The following GRAMD1B variants were observed in gnomAD, a reference collection of about 807,000 sequenced individuals.
GRAMD1B encodes GRAM domain containing 1B, also known as protein Aster-B.
A neutral mutation model predicts 99.7 loss-of-function variants in GRAMD1B; 37 were observed. The ratio of observed to expected loss-of-function variants is 0.37; its 90% CI spans 0.29 to 0.49. The LOEUF is 0.49. Among genes scored for constraint, GRAMD1B ranks in the 20% least tolerant of loss-of-function variants. The pLI is 0.98. For synonymous variants in GRAMD1B, 427 were observed against 387.6 expected, an observed-to-expected ratio of 1.10 and a Z score of -1.19; for missense variants, 888 against 1,009.2, an observed-to-expected ratio of 0.88 and a Z score of 1.63.
chr11:123,590,427 G>A (rs917032365), intron 4 of GRAMD1B, among the ~76,000 whole-genome samples: 4 of 152,138 alleles, frequency 2.6e-5, no homozygotes, highest in South Asian at 4.2e-4. Context: ...CCTACTCCAC[G>A]CCTCCATGTG....
At chr11:123,448,041 AAG>A (rs917498875) in intron 1 of GRAMD1B, among the ~76,000 whole-genome samples, 7 of 151,560 alleles carry the variant, frequency 4.6e-5, no homozygotes, top group Non-Finnish European at 7.4e-5. Flanking sequence ...TTTAAAAAAA[AAG>A]AGAGAGAGAG....
In GRAMD1B at chr11:123,440,779, A is replaced by C. The variant is rs1207700214; in HGVS notation, c.374+9613A>C. On this transcript the variant is annotated intron_variant, in intron 1 of 19. Transcript: ENST00000635736. ...CTTAGGAAGCTTCTATTCCTGGTGG[A>C]AAGCAAATGGGGGTTGATATGGCTT... Among the ~76,000 whole-genome samples, 8 of 152,270 alleles carry C rather than the reference A, an allele frequency of 5.3e-5. No individual in the cohort carries two copies. The East Asian group carries it at 1.5e-3, about 29-fold the overall frequency.
At chr11:123,521,175 A>G (rs1322485616) in intron 2 of GRAMD1B, among the ~76,000 whole-genome samples, 3 of 152,242 alleles carry the variant, frequency 2.0e-5, no homozygotes, top group Admixed American at 6.5e-5. Flanking sequence ...GAGTTGAACC[A>G]GTATACACTC....
chr11:123,514,485 G>A (rs2135356721), intron 2 of GRAMD1B, among the ~76,000 whole-genome samples: 1 of 152,332 alleles, frequency 6.6e-6, no homozygotes, highest in East Asian at 1.9e-4. Flanking sequence ...TAGGATTAAT[G>A]CCTGGCACAC....
chr11:123,426,472 A>C (rs1216181593), upstream of GRAMD1B, among the ~76,000 whole-genome samples: 1 of 152,224 alleles, frequency 6.6e-6, no homozygotes, highest in Non-Finnish European at 1.5e-5. Context: ...GAAGACAGTC[A>C]ACATTGCTCT....
intron 1 of GRAMD1B, among the ~76,000 whole-genome samples, chr11:123,400,100 A>G (rs909467702): frequency 5.3e-5 from 8 of 152,126 alleles, no homozygotes; most frequent in African/African-American, 1.7e-4. Context: ...CATATTTTCT[A>G]TATTAACCTA....
At chr11:123,476,124 A>G (rs1264254933) in intron 1 of GRAMD1B, among the ~76,000 whole-genome samples, 1 of 141,670 alleles carries the variant, frequency 7.1e-6, no homozygotes, top group Non-Finnish European at 1.5e-5. Context: ...TTTTTTTTTG[A>G]GACGGAGTCT....
rs184781558 is a variant in GRAMD1B, at chr11:123,571,782, T to C, written c.453-5585T>C. Among the ~76,000 whole-genome samples, 417 of 152,254 alleles carry C rather than the reference T, an allele frequency of 2.7e-3. 1 individual carries two copies. The highest frequency in any genetic ancestry group is 9.8e-3 in the African/African-American group (405 of 41,538). ...GTTCCATATATCCCATGCTATTTTA[T>C]GCCTTTTCACCCTTGTTCATGCTGT... is the stretch of plus-strand genomic sequence containing the variant. On this transcript the variant is annotated intron_variant, in intron 2 of 19. Transcript: ENST00000635736.
intron 2 of GRAMD1B, among the ~76,000 whole-genome samples, chr11:123,497,375 G>A (rs1361511331): frequency 1.3e-5 from 2 of 152,164 alleles, no homozygotes; most frequent in African/African-American, 4.8e-5. Context: ...CCTGAGGCCA[G>A]CACACTATTG....
At chr11:123,469,530 T>C (rs1385190074) in intron 1 of GRAMD1B, among the ~76,000 whole-genome samples, 1 of 152,152 alleles carries the variant, frequency 6.6e-6, no homozygotes, top group Non-Finnish European at 1.5e-5. Context: ...CTAGTTCATA[T>C]GAATCTTTAC....
At chr11:123,475,768 C>T (rs1247996075) in intron 1 of GRAMD1B, among the ~76,000 whole-genome samples, 4 of 152,198 alleles carry the variant, frequency 2.6e-5, no homozygotes, top group Non-Finnish European at 5.9e-5. Flanking sequence ...AGAGTGGACG[C>T]AGACTGGATG....
At chr11:123,597,627 A>G (rs1387229991) in intron 7 of GRAMD1B, among the ~76,000 whole-genome samples, 2 of 152,192 alleles carry the variant, frequency 1.3e-5, no homozygotes, top group Admixed American at 6.5e-5. Flanking sequence ...ACAGGTGCCC[A>G]TTAAATCTCA....
intron 1 of GRAMD1B, among the ~76,000 whole-genome samples, chr11:123,364,433 G>A (rs1318693915): frequency 6.6e-6 from 1 of 152,246 alleles, no homozygotes; most frequent in East Asian, 1.9e-4. Flanking sequence ...CTGAGGAAAG[G>A]CAGGATTGAC....
intron 1 of GRAMD1B, among the ~76,000 whole-genome samples, chr11:123,446,275 C>T (rs1423308668): frequency 6.6e-6 from 1 of 152,108 alleles, no homozygotes; most frequent in Non-Finnish European, 1.5e-5. Context: ...AAGAGATTCT[C>T]CCGCCTCAGC....
At chr11:123,405,795 G>A (rs1947835142) in intron 1 of GRAMD1B, among the ~76,000 whole-genome samples, 1 of 152,098 alleles carries the variant, frequency 6.6e-6, no homozygotes, top group South Asian at 2.1e-4. Flanking sequence ...GAAATTTAAG[G>A]ATGTAAAATG....
chr11:123,484,350 C>A (rs1430334268), intron 2 of GRAMD1B, among the ~76,000 whole-genome samples: 1 of 152,162 alleles, frequency 6.6e-6, no homozygotes, highest in African/African-American at 2.4e-5. Flanking sequence ...TGCTTGCTAA[C>A]TAGAGAGAAC....
Position 123,378,665 on chromosome 11 carries a change from G to A in GRAMD1B, c.-176+19866G>A, listed in dbSNP as rs896223008. On this transcript the variant is annotated intron_variant, in intron 1 of 20. Coordinates refer to the GRAMD1B transcript ENST00000638157. ...GCCTTTGAAAAACCAATGAAGCAGG[G>A]AAAACAGCCACTGAATATGTTACAA... Among the ~76,000 whole-genome samples the A allele has an allele frequency of 3.9e-5, 6 of 152,136 alleles. No individual in the cohort carries two copies. In the South Asian group the frequency reaches 1.2e-3, roughly 32 times the overall value.
chr11:123,600,667 G>A (rs1951834889), intron 8 of GRAMD1B, 119 bp downstream of exon 8: 3 of 628,256 alleles, frequency 4.8e-6, no homozygotes, highest in East Asian at 2.8e-5. Context: ...GTATTGGCCT[G>A]AGTCCTGAAA....
chr11:123,587,743 A>G lies in GRAMD1B; in HGVS notation c.684+3411A>G, dbSNP rs1304132938. The stretch of plus-strand genomic sequence containing the variant: ...TGCAGTTAGGGCTGCAGCTTTGTGG[A>G]GGAGAGGGAGGGATAGTGCCAAGCC... On this transcript the variant is annotated intron_variant, in intron 4 of 19. Transcript: ENST00000635736. The surrounding 1 kb of genome is among the most constrained non-coding windows in gnomAD (Gnocchi z 4.2). 6.6e-6 allele frequency among the ~76,000 whole-genome samples: 1 copy of G among 152,122 alleles called. No individual in the cohort carries two copies. Among genetic ancestry groups the G allele is most frequent in the African/African-American group, 2.4e-5 (1 of 41,422 alleles).
Sources: gnomAD v4.1 joint callset for allele counts (sites outside exome capture counted in the v4.1 genomes callset) on GRCh38, gnomAD v4.1.1 for gene constraint, Gnocchi (gnomAD v3.1) non-coding constraint, MANE v1.5 for transcripts, NCBI Gene and HGNC (gene_info 2026-07-23, HGNC 2026-07-21) for gene names.